The following LRRK1 variants were observed in gnomAD, a reference collection of about 807,000 sequenced individuals.
LRRK1 encodes leucine-rich repeat serine/threonine-protein kinase 1.
LRRK1 carries 113 observed loss-of-function variants against 209.1 expected under a neutral mutation model. That is an observed-to-expected ratio of 0.54 (90% CI 0.46 to 0.63). The LOEUF (loss-of-function observed/expected upper bound fraction) is 0.63. Among genes scored for constraint, LRRK1 ranks in the 30% least tolerant of loss-of-function variants. The pLI, the probability that LRRK1 is intolerant of heterozygous loss-of-function variation, is 0.00. For synonymous variants in LRRK1, 1,144 were observed against 1,099.7 expected, an observed-to-expected ratio of 1.04 and a Z score of -0.80; for missense variants, 2,284 against 2,632.2, an observed-to-expected ratio of 0.87 and a Z score of 2.89.
chr15:101,025,559 A>G (rs562461556), intron 16 of LRRK1, among the ~76,000 whole-genome samples: 9 of 152,376 alleles, frequency 5.9e-5, no homozygotes, highest in African/African-American at 2.2e-4. Flanking sequence ...GTTAGGCCTC[A>G]GGAAGCTTTT....
chr15:101,059,788 G>T lies in LRRK1; in HGVS notation c.4680-1383G>T, dbSNP rs112793794. ...ATGCACCCCTAGGACCCAGACTGTG[G>T]TCTCTAAGTACCAAAGTGAACCAGG... On this transcript the variant is annotated intron_variant, in intron 29 of 33. Coordinates refer to ENST00000388948, the MANE Select transcript of LRRK1 (RefSeq NM_024652.6). Among the ~76,000 whole-genome samples the T allele has an allele frequency of 2.7e-3, 407 of 152,342 alleles. 2 individuals are homozygous for T. Among genetic ancestry groups the T allele is most frequent in the African/African-American group, 8.2e-3 (340 of 41,578 alleles).
intron 2 of LRRK1, among the ~76,000 whole-genome samples, chr15:100,959,056 A>C (rs11857945): frequency 0.53 from 80,688 of 152,018 alleles, 21,823 homozygotes; most frequent in Middle Eastern, 0.63. Flanking sequence ...GACCTTAGGG[A>C]AGGGTTGGAG....
chr15:101,029,280 A>G (rs2034179749), intron 20 of LRRK1, 48 bp downstream of exon 20: 2 of 1,550,210 alleles, frequency 1.3e-6, no homozygotes, highest in African/African-American at 1.4e-5. Context: ...GCTCCCCGAA[A>G]GAGGGAGTTG....
chr15:100,960,792 C>G (rs114439969), intron 2 of LRRK1, among the ~76,000 whole-genome samples: 1,682 of 152,252 alleles, frequency 0.011, 23 homozygotes, highest in African/African-American at 0.038. Context: ...GGAAGAGGAA[C>G]AAAATCTAGG....
At chr15:100,997,943 G>T (rs1279731149) in intron 6 of LRRK1, among the ~76,000 whole-genome samples, 1 of 152,136 alleles carries the variant, frequency 6.6e-6, no homozygotes, top group Non-Finnish European at 1.5e-5. Flanking sequence ...ACATTGGGAG[G>T]CCAAGGTGGT....
chr15:101,062,915 G>T (rs760081969), intron 31 of LRRK1, among the ~76,000 whole-genome samples: 1 of 152,114 alleles, frequency 6.6e-6, no homozygotes, highest in East Asian at 1.9e-4. Context: ...ACTGCAGGCC[G>T]AATGAAAAAC....
intron 4 of LRRK1, among the ~76,000 whole-genome samples, chr15:100,987,369 A>G (rs1437924958): frequency 3.3e-5 from 5 of 152,126 alleles, no homozygotes; most frequent in Admixed American, 2.6e-4. Flanking sequence ...TCATTTTTCC[A>G]TGGCAACTAG....
chr15:101,045,667 A>G (rs1391859937), intron 20 of LRRK1, among the ~76,000 whole-genome samples: 1 of 152,152 alleles, frequency 6.6e-6, no homozygotes, highest in Non-Finnish European at 1.5e-5. Flanking sequence ...ATTGAGTCCC[A>G]TTTGCTGTGT....
chr15:100,929,550 A>G (rs1362892697), intron 2 of LRRK1, among the ~76,000 whole-genome samples: 2 of 152,246 alleles, frequency 1.3e-5, no homozygotes, highest in Non-Finnish European at 2.9e-5. Flanking sequence ...CCTTCCAGAA[A>G]TAGAACTAGG....
chr15:101,020,039 C>G lies in LRRK1; in HGVS notation c.1610-1014C>G, dbSNP rs145941654. The stretch of plus-strand genomic sequence containing the variant: ...AATGGCATTGTAAGAAGCATAAAAA[C>G]AGCCAACTGTGGTATATTTTCATTA... On this transcript the variant is annotated intron_variant, in intron 12 of 33. Coordinates refer to ENST00000388948, the MANE Select transcript of LRRK1 (RefSeq NM_024652.6). Among the ~76,000 whole-genome samples the G allele has an allele frequency of 1.1e-4, 16 of 152,308 alleles. No individual in the cohort carries two copies. In the East Asian group the frequency reaches 3.1e-3, roughly 29 times the overall value.
At chr15:100,972,980 A>G (rs2031022708) in intron 2 of LRRK1, among the ~76,000 whole-genome samples, 1 of 152,168 alleles carries the variant, frequency 6.6e-6, no homozygotes, top group South Asian at 2.1e-4. Context: ...GAACTTCGGA[A>G]GCCTGTCAGC....
chr15:100,924,793 T>C (rs1174953390), intron 2 of LRRK1, 64 bp downstream of exon 2: 7 of 1,247,990 alleles, frequency 5.6e-6, no homozygotes, highest in Non-Finnish European at 8.2e-6. Flanking sequence ...CTGCAGGGTG[T>C]CTAGGCTATG....
intron 2 of LRRK1, among the ~76,000 whole-genome samples, chr15:100,972,576 A>C (rs2030991761): frequency 6.6e-6 from 1 of 152,114 alleles, no homozygotes; most frequent in Non-Finnish European, 1.5e-5. Context: ...TCGTTTTAGT[A>C]GTTATTAGAT....
At chr15:100,957,888 C>T (rs1487537310) in intron 2 of LRRK1, among the ~76,000 whole-genome samples, 5 of 152,206 alleles carry the variant, frequency 3.3e-5, no homozygotes, top group African/African-American at 7.2e-5. Context: ...GTTGCTGAGA[C>T]GGAGTCTCAC....
intron 9 of LRRK1, among the ~76,000 whole-genome samples, chr15:101,011,584 ATG>A (rs10675651): frequency 0.24 from 36,689 of 150,688 alleles, 4,605 homozygotes; most frequent in East Asian, 0.47. Context: ...AGCATGAAGA[ATG>A]TGTGTGTGTG....
intron 3 of LRRK1, among the ~76,000 whole-genome samples, chr15:100,981,975 A>G (rs2031627060): frequency 6.6e-6 from 1 of 152,264 alleles, no homozygotes; most frequent in African/African-American, 2.4e-5. Context: ...AAATCTGTGG[A>G]GGCCAGAAAT....
At chr15:100,945,562 C>T (rs928968896) in intron 2 of LRRK1, among the ~76,000 whole-genome samples, 19 of 134,836 alleles carry the variant, frequency 1.4e-4, no homozygotes, top group African/African-American at 5.0e-4. Context: ...GGCACAACCT[C>T]GGCTCACTGC....
chr15:101,025,941 C>A, intron 16 of LRRK1, 24 bp from the exon 17 acceptor site: 5 of 1,613,144 alleles, frequency 3.1e-6, no homozygotes, highest in South Asian at 1.1e-5. Flanking sequence ...AGACAGTACT[C>A]AGCCGTGGGG....
intron 19 of LRRK1, among the ~76,000 whole-genome samples, chr15:101,028,028 A>G (rs2034120379): frequency 6.6e-6 from 1 of 152,200 alleles, no homozygotes; most frequent in African/African-American, 2.4e-5. Flanking sequence ...CAGACATACA[A>G]GCTGATGGAC....
Sources: allele counts gnomAD v4.1 joint callset (sites outside exome capture counted in the v4.1 genomes callset), GRCh38; gene constraint gnomAD v4.1.1; transcripts MANE v1.5; gene names NCBI Gene and HGNC (gene_info 2026-07-23, HGNC 2026-07-21).